Variants in GBE1 observed in about 807,000 individuals in gnomAD.
The protein encoded by GBE1 is 1,4-alpha-glucan branching enzyme 1.
A neutral mutation model predicts 88.8 loss-of-function variants in GBE1; 70 were observed. The observed-to-expected ratio is 0.79, with a 90% CI of 0.65 to 0.96. The LOEUF is 0.96. GBE1 is among the 40% of genes least tolerant of loss of function. The probability of loss-of-function intolerance (pLI) is 0.00; values close to 1 mark genes in which losing one functional copy is unlikely to be tolerated. For missense variants in GBE1, 872 were observed against 871.0 expected (o/e 1.00, Z -0.01); for synonymous variants, 284 against 300.1 (o/e 0.95, Z 0.56).
chr3:81,686,624 C>T (rs1180169890), intron 2 of GBE1, among the ~76,000 whole-genome samples: 3 of 151,964 alleles, frequency 2.0e-5, no homozygotes, highest in Admixed American at 1.3e-4. Context: ...TGTATGGTGG[C>T]GTATGCCTGT....
chr3:81,745,726 T>A lies in GBE1; in HGVS notation c.143+15649A>T, dbSNP rs138356696. On this transcript the variant is annotated intron_variant, in intron 1 of 15. Coordinates refer to ENST00000429644, the MANE Select transcript of GBE1 (RefSeq NM_000158.4). ...TCTTTTAAGTTACATGTTGAAATGATAATTTGAATACATTAGGTTGAATAG... is the reference window on the plus strand; with the variant it reads ...TCTTTTAAGTTACATGTTGAAATGAAAATTTGAATACATTAGGTTGAATAG... Among the ~76,000 whole-genome samples the A allele has an allele frequency of 2.2e-3, 333 of 152,282 alleles. 1 individual carries two copies. The highest frequency in any genetic ancestry group is 3.8e-3 in the Non-Finnish European group (258 of 67,998).
At chr3:81,760,473 A>C (rs1706663941) in intron 1 of GBE1, among the ~76,000 whole-genome samples, 1 of 152,198 alleles carries the variant, frequency 6.6e-6, no homozygotes, top group Non-Finnish European at 1.5e-5. Context: ...TTGCCAGGAT[A>C]GTTTCCATTC....
At chr3:81,619,543 T>C (rs1157302293) in intron 7 of GBE1, among the ~76,000 whole-genome samples, 1 of 152,130 alleles carries the variant, frequency 6.6e-6, no homozygotes, top group Non-Finnish European at 1.5e-5. Flanking sequence ...ATTGATTCCA[T>C]TAATCAAGAG....
intron 2 of GBE1, among the ~76,000 whole-genome samples, chr3:81,678,770 G>T (rs1256160224): frequency 6.6e-6 from 1 of 151,810 alleles, no homozygotes; most frequent in Non-Finnish European, 1.5e-5. Flanking sequence ...AACTTAATAA[G>T]TTAAAAAGAA....
intron 12 of GBE1, among the ~76,000 whole-genome samples, chr3:81,560,061 C>T (rs1412179994): frequency 1.3e-5 from 2 of 151,884 alleles, no homozygotes; most frequent in South Asian, 2.1e-4. Context: ...AATAAAATGT[C>T]CTCTAAAAAG....
At chr3:81,664,519 T>TA (rs1277528300) in intron 3 of GBE1, among the ~76,000 whole-genome samples, 4 of 150,136 alleles carry the variant, frequency 2.7e-5, no homozygotes, top group Admixed American at 6.6e-5. Flanking sequence ...CAGCTGGGCC[T>TA]AAAACGCCCC....
intron 2 of GBE1, among the ~76,000 whole-genome samples, chr3:81,677,639 T>TG (rs1705279810): frequency 6.6e-6 from 1 of 152,270 alleles, no homozygotes; most frequent in South Asian, 2.1e-4. Context: ...ACTCAGTGTC[T>TG]GGGGGGTGAC....
chr3:81,685,717 T>G (rs999882213), intron 2 of GBE1, among the ~76,000 whole-genome samples: 1 of 152,106 alleles, frequency 6.6e-6, no homozygotes, highest in Non-Finnish European at 1.5e-5. Context: ...GTACATTTTT[T>G]TTCTAATGTT....
chr3:81,739,292 C>G (rs1248208816), intron 1 of GBE1, among the ~76,000 whole-genome samples: 1 of 152,094 alleles, frequency 6.6e-6, no homozygotes, highest in Non-Finnish European at 1.5e-5. Flanking sequence ...TTAACCACTG[C>G]AGGATACACT....
intron 2 of GBE1, among the ~76,000 whole-genome samples, chr3:81,674,556 A>C (rs1482883633): frequency 1.3e-5 from 2 of 151,958 alleles, no homozygotes; most frequent in Admixed American, 1.3e-4. Flanking sequence ...TTTTAAGTAA[A>C]ATTTGATTTA....
At chr3:81,586,220 T>A (rs1255836729) in intron 9 of GBE1, 30 bp from the exon 10 acceptor site, 5 of 1,355,222 alleles carry the variant, frequency 3.7e-6, no homozygotes, top group East Asian at 4.8e-5. Context: ...TTCATAATGA[T>A]CAAACTTTTA....
chr3:81,649,885 G>T lies in GBE1; in HGVS notation c.466C>A (p.Arg156Ser). Residue 156 changes from arginine to serine, a missense_variant, in exon 4 of 16, where the codon CGT (arginine) becomes AGT (serine). By Grantham distance (110) the Arg-to-Ser change is moderately radical (BLOSUM62 -1). Coordinates refer to ENST00000429644, the MANE Select transcript of GBE1 (RefSeq NM_000158.4). Reference protein sequence around the residue: ...ITSKSGEILYRISPWAKYVVR... With the variant: ...ITSKSGEILYSISPWAKYVVR... The stretch of plus-strand genomic sequence containing the variant: ...ACATACTTTGCCCACGGTGAAATAC[G>T]ATACAAGATCTCTCCGCTTTTACTA... 2 of 1,608,976 alleles carry T rather than the reference G, an allele frequency of 1.2e-6. No homozygotes were observed. Among genetic ancestry groups the T allele is most frequent in the Non-Finnish European group, 1.7e-6 (2 of 1,176,112 alleles).
intron 7 of GBE1, among the ~76,000 whole-genome samples, chr3:81,619,138 T>C (rs1704289866): frequency 6.6e-6 from 1 of 151,616 alleles, no homozygotes; most frequent in Non-Finnish European, 1.5e-5. Flanking sequence ...TATTTAGCAT[T>C]TGTCTCTGCC....
At chr3:81,614,323 T>C (rs1012135219) in intron 7 of GBE1, among the ~76,000 whole-genome samples, 9 of 152,258 alleles carry the variant, frequency 5.9e-5, no homozygotes, top group Non-Finnish European at 1.0e-4. Flanking sequence ...ATTTCTGAAC[T>C]GCGAAATTGA....
chr3:81,563,179 C>T (rs1461486540), intron 12 of GBE1, among the ~76,000 whole-genome samples: 1 of 152,060 alleles, frequency 6.6e-6, no homozygotes, highest in Non-Finnish European at 1.5e-5. Context: ...AAAATGAAGC[C>T]TCTGATCAAT....
At chr3:81,754,509 CTT>C (rs1237176909) in intron 1 of GBE1, among the ~76,000 whole-genome samples, 1 of 138,140 alleles carries the variant, frequency 7.2e-6, no homozygotes, top group Non-Finnish European at 1.6e-5. Flanking sequence ...CCAAATAAAT[CTT>C]AGCAAAAAAA....
intron 1 of GBE1, among the ~76,000 whole-genome samples, chr3:81,708,889 G>C (rs1197401889): frequency 6.6e-6 from 1 of 152,104 alleles, no homozygotes; most frequent in African/African-American, 2.4e-5. Context: ...AATAATCCCA[G>C]TCTCACAGAT....
At chr3:81,670,488 T>C (rs1258097594) in intron 3 of GBE1, among the ~76,000 whole-genome samples, 1 of 152,178 alleles carries the variant, frequency 6.6e-6, no homozygotes, top group Non-Finnish European at 1.5e-5. Flanking sequence ...AAATCCTCTC[T>C]ACATTGGCTG....
intron 10 of GBE1, among the ~76,000 whole-genome samples, chr3:81,585,349 T>C (rs1703787966): frequency 6.6e-6 from 1 of 152,156 alleles, no homozygotes. Context: ...CACCAGTTCA[T>C]GTCTGAAATA....
Sources: allele counts gnomAD v4.1 joint callset (sites outside exome capture counted in the v4.1 genomes callset), GRCh38; gene constraint gnomAD v4.1.1; transcripts MANE v1.5; gene names NCBI Gene and HGNC (gene_info 2026-07-23, HGNC 2026-07-21).